The following OTUD7A variants were observed in gnomAD, a reference collection of about 807,000 sequenced individuals.
The protein encoded by OTUD7A is OTU domain-containing protein 7A.
In OTUD7A, 12 loss-of-function variants were observed where a neutral mutation model predicts 65.7. The observed-to-expected ratio is 0.18, with a 90% CI of 0.12 to 0.30. The LOEUF is 0.30. OTUD7A is among the 10% of genes least tolerant of loss of function. The pLI, the probability that OTUD7A is intolerant of heterozygous loss-of-function variation, is 1.00. For synonymous variants in OTUD7A, 641 were observed against 586.3 expected, an observed-to-expected ratio of 1.09 and a Z score of -1.35; for missense variants, 1,148 against 1,304.8, an observed-to-expected ratio of 0.88 and a Z score of 1.85.
chr15:31,527,417 G>GC (rs1158336952), intron 6 of OTUD7A, 109 bp from the exon 7 acceptor site: 3 of 1,394,660 alleles, frequency 2.2e-6, no homozygotes, highest in Non-Finnish European at 2.9e-6. Context: ...CTGTCTGCAC[G>GC]CAGAACAGCC....
chr15:31,768,182 G>A (rs1895138646), intron 1 of OTUD7A: 5 of 1,337,400 alleles, frequency 3.7e-6, no homozygotes, highest in African/African-American at 2.9e-5. Context: ...AGGCCCGGGA[G>A]GCACAACCCG....
intron 1 of OTUD7A, among the ~76,000 whole-genome samples, chr15:31,784,371 C>T (rs1049547879): frequency 6.6e-6 from 1 of 152,164 alleles, no homozygotes; most frequent in African/African-American, 2.4e-5. Context: ...CACCCCAATA[C>T]ATGGATTGTG....
intron 1 of OTUD7A, among the ~76,000 whole-genome samples, chr15:31,753,418 G>A (rs1409436782): frequency 1.3e-5 from 2 of 151,628 alleles, no homozygotes; most frequent in Non-Finnish European, 2.9e-5. Flanking sequence ...AGTATACACT[G>A]TACCCTATTT....
intron 12 of OTUD7A, among the ~76,000 whole-genome samples, chr15:31,485,897 C>T (rs371328932): frequency 6.6e-6 from 1 of 152,186 alleles, no homozygotes; most frequent in East Asian, 1.9e-4. Flanking sequence ...CTGACCCTCA[C>T]CACCTCCCAC....
chr15:31,608,835 C>A (rs1595651898), intron 3 of OTUD7A, among the ~76,000 whole-genome samples: 1 of 152,314 alleles, frequency 6.6e-6, no homozygotes, highest in East Asian at 1.9e-4. Context: ...AGAATGACTG[C>A]AGGAATAAAC....
intron 5 of OTUD7A, among the ~76,000 whole-genome samples, chr15:31,551,873 G>GA (rs1888335014): frequency 1.3e-5 from 2 of 152,306 alleles, no homozygotes; most frequent in East Asian, 3.9e-4. Context: ...CTCCTCTGGG[G>GA]CAGGGGCCTT....
chr15:31,532,057 G>A (rs1294513575), intron 5 of OTUD7A, among the ~76,000 whole-genome samples: 2 of 152,114 alleles, frequency 1.3e-5, no homozygotes, highest in African/African-American at 4.8e-5. Flanking sequence ...CAGGAGGTCC[G>A]CTAAAACACA....
At chr15:31,862,386 C>T (rs1897765203) in intron 1 of OTUD7A, among the ~76,000 whole-genome samples, 3 of 152,142 alleles carry the variant, frequency 2.0e-5, no homozygotes, top group African/African-American at 7.2e-5. Context: ...CATGGCTTAA[C>T]AGAGCTTGCT....
chr15:31,817,382 GC>G (rs1318955735), intron 1 of OTUD7A, among the ~76,000 whole-genome samples: 1 of 151,704 alleles, frequency 6.6e-6, no homozygotes, highest in East Asian at 2.0e-4. Flanking sequence ...GGAAGGAGAT[GC>G]CCTTCTGCAA....
At chr15:31,754,344 C>T (rs1054529765) in intron 1 of OTUD7A, among the ~76,000 whole-genome samples, 1 of 152,182 alleles carries the variant, frequency 6.6e-6, no homozygotes, top group African/African-American at 2.4e-5. Context: ...TTTTGCCATG[C>T]AAAAGCTCTT....
chr15:31,556,251 T>C lies in OTUD7A; in HGVS notation c.550+2718A>G, dbSNP rs1435150497. On this transcript the variant is annotated intron_variant, in intron 5 of 12. Coordinates refer to ENST00000307050, the MANE Select transcript of OTUD7A (RefSeq NM_001382637.1). ...GCGCGAATTGCACCACAAGCACCTT[T>C]GACCACTCCCTGAAGAGTGAGACCC... The C allele has an allele frequency of 5.2e-5, 8 of 152,390 alleles. No homozygotes were observed. The East Asian group carries it at 1.5e-3, about 29-fold the overall frequency. The allele number at this position is 152,390 out of a possible 1,614,324, so 9.4% of individuals were successfully genotyped here.
intron 1 of OTUD7A, among the ~76,000 whole-genome samples, chr15:31,820,183 C>T (rs1161179389): frequency 1.3e-5 from 2 of 152,166 alleles, no homozygotes; most frequent in African/African-American, 2.4e-5. Flanking sequence ...ATCTTGCAAG[C>T]AGGCAATGGA....
At chr15:31,665,454 T>A (rs1204179789) in intron 1 of OTUD7A, among the ~76,000 whole-genome samples, 1 of 152,218 alleles carries the variant, frequency 6.6e-6, no homozygotes, top group African/African-American at 2.4e-5. Flanking sequence ...TTGATTTGAT[T>A]CTCTGCTTGG....
intron 3 of OTUD7A, among the ~76,000 whole-genome samples, chr15:31,624,892 G>T (rs1422025278): frequency 2.6e-5 from 4 of 152,060 alleles, no homozygotes; most frequent in African/African-American, 4.8e-5. Flanking sequence ...CCACGGGGTG[G>T]CCACCCTCCA....
At chr15:31,620,623 T>C (rs1466332370) in intron 3 of OTUD7A, among the ~76,000 whole-genome samples, 1 of 137,950 alleles carries the variant, frequency 7.2e-6, no homozygotes, top group Non-Finnish European at 1.5e-5. Context: ...ATCCCCTTTA[T>C]CATTTTTTAT....
chr15:31,627,401 C>T (rs1190012584), intron 3 of OTUD7A, among the ~76,000 whole-genome samples: 3 of 151,916 alleles, frequency 2.0e-5, no homozygotes, highest in Non-Finnish European at 4.4e-5. Context: ...TCATCCATGT[C>T]CCTACAAAGG....
At chr15:31,743,934 G>A (rs34849635) in intron 1 of OTUD7A, among the ~76,000 whole-genome samples, 33,117 of 151,892 alleles carry the variant, frequency 0.22, 3,833 homozygotes, top group Admixed American at 0.28. Context: ...GGAGGGAACA[G>A]CACCTCAGAT....
At chr15:31,797,049 G>C (rs772466796) in intron 1 of OTUD7A, among the ~76,000 whole-genome samples, 1 of 152,176 alleles carries the variant, frequency 6.6e-6, no homozygotes, top group Non-Finnish European at 1.5e-5. Flanking sequence ...CATTACTCTT[G>C]CACTTGCACA....
At chr15:31,665,059 G>A (rs1345041523) in intron 1 of OTUD7A, among the ~76,000 whole-genome samples, 5 of 152,030 alleles carry the variant, frequency 3.3e-5, no homozygotes, top group Middle Eastern at 3.2e-3. Flanking sequence ...TGGTGACTAC[G>A]GCCTTATAGT....
Sources: allele counts gnomAD v4.1 joint callset (sites outside exome capture counted in the v4.1 genomes callset), GRCh38; gene constraint gnomAD v4.1.1; transcripts MANE v1.5; gene names NCBI Gene and HGNC (gene_info 2026-07-23, HGNC 2026-07-21).